FCAR: variants seen among roughly 807,000 people sequenced by gnomAD.
FCAR encodes the protein immunoglobulin alpha Fc receptor.
In FCAR, 21 loss-of-function variants were observed where a neutral mutation model predicts 27.1. The observed-to-expected ratio is 0.77, with a 90% CI of 0.55 to 1.11. The LOEUF (loss-of-function observed/expected upper bound fraction) is 1.11. FCAR is among the 50% of genes most tolerant of loss of function. The pLI is 0.00. For synonymous variants in FCAR, 134 were observed against 135.8 expected (o/e 0.99, Z 0.09); for missense variants, 404 against 358.4 (o/e 1.13, Z -1.03).
intron 3 of FCAR, 138 bp from the exon 4 acceptor site, chr19:54,887,869 A>G: frequency 1.7e-6 from 1 of 598,884 alleles, no homozygotes; most frequent in Non-Finnish European, 2.7e-6. Context: ...GTGAGCTGAG[A>G]TCACGCCACT....
intron 2 of FCAR, among the ~76,000 whole-genome samples, chr19:54,883,364 G>A (rs959057811): frequency 1.3e-5 from 2 of 152,058 alleles, no homozygotes; most frequent in East Asian, 1.9e-4. Context: ...TTGGGCCTTG[G>A]AGGAGCCTCC....
chr19:54,885,138 C>G, intron 2 of FCAR, 97 bp from the exon 3 acceptor site: 1 of 1,081,888 alleles, frequency 9.2e-7, no homozygotes, highest in Non-Finnish European at 1.3e-6. Flanking sequence ...ATGGTAGGTT[C>G]TTCACACCCT....
In FCAR at chr19:54,889,753, C is replaced by T. The variant is rs900027767; in HGVS notation, c.754C>T (p.His252Tyr). 6.2e-7 allele frequency: 1 copy of T among 1,613,930 alleles called. No individual in the cohort carries two copies. The highest frequency in any genetic ancestry group is 8.5e-7 in the Non-Finnish European group (1 of 1,179,992). ...CATACTGGTTGAAAATTGGCACAGC[C>T]ATACGGCACTGAACAAGGAAGCCTC... Reference protein sequence around the residue: ...LAILVENWHSHTALNKEASAD... With the variant: ...LAILVENWHSYTALNKEASAD... The change falls in exon 5 of 5, where the codon CAT becomes TAT. Residue 252 changes from histidine (H) to tyrosine (Y), a missense_variant. Physicochemically the swap from His to Tyr is moderately conservative, Grantham distance 83 (BLOSUM62 2). Transcript: ENST00000355524.
Position 54,885,322 on chromosome 19 carries a change from G to C in FCAR, c.158G>C (p.Arg53Pro). 6.2e-7 allele frequency: 1 copy of C among 1,614,020 alleles called. No individual in the cohort carries two copies. The highest frequency in any genetic ancestry group is 8.5e-7 in the Non-Finnish European group (1 of 1,179,980). Reference protein sequence around the residue: ...GSVKIQCQAIREAYLTQLMII... With the variant: ...GSVKIQCQAIPEAYLTQLMII... ...GTGAAAATCCAGTGCCAGGCCATTC[G>C]TGAAGCTTACCTGACCCAGCTGATG... The change falls in exon 3 of 5, where the codon CGT becomes CCT. Residue 53 changes from arginine (R) to proline (P), a missense_variant. Physicochemically the swap from Arg to Pro is moderately radical, Grantham distance 103. Transcript: ENST00000355524.
intron 2 of FCAR, among the ~76,000 whole-genome samples, chr19:54,880,398 A>G (rs1233685422): frequency 6.6e-6 from 1 of 152,190 alleles, no homozygotes; most frequent in Non-Finnish European, 1.5e-5. Context: ...TTTCAGCTCC[A>G]TCAGATCCGT....
chr19:54,882,304 C>T (rs1356987275), intron 2 of FCAR, among the ~76,000 whole-genome samples: 2 of 152,194 alleles, frequency 1.3e-5, no homozygotes, highest in Admixed American at 6.5e-5. Context: ...TCCTCAATTT[C>T]GAAGAGCGTC....
At chr19:54,883,285 T>C (rs1458572537) in intron 2 of FCAR, among the ~76,000 whole-genome samples, 3 of 151,926 alleles carry the variant, frequency 2.0e-5, no homozygotes, top group Non-Finnish European at 4.4e-5. Context: ...CTAACTCTTG[T>C]ATTTTGACAA....
intron 2 of FCAR, among the ~76,000 whole-genome samples, chr19:54,884,155 C>T (rs1230002806): frequency 6.6e-6 from 1 of 152,152 alleles, no homozygotes; most frequent in Non-Finnish European, 1.5e-5. Flanking sequence ...AGAGTTCAGG[C>T]AGAAGCTGGG....
intron 2 of FCAR, among the ~76,000 whole-genome samples, chr19:54,880,302 G>A (rs1036602621): frequency 1.4e-4 from 22 of 152,178 alleles, no homozygotes; most frequent in African/African-American, 5.3e-4. Flanking sequence ...CAGAGAGCCA[G>A]TATTCATGCT....
intron 2 of FCAR, among the ~76,000 whole-genome samples, chr19:54,879,043 TA>T (rs2066266994): frequency 7.8e-6 from 1 of 128,416 alleles, no homozygotes; most frequent in Non-Finnish European, 1.7e-5. Context: ...CACGCCCAGC[TA>T]TTTTTTTTTT....
intron 2 of FCAR, among the ~76,000 whole-genome samples, chr19:54,876,473 A>G (rs2066095019): frequency 6.6e-6 from 1 of 152,202 alleles, no homozygotes; most frequent in Non-Finnish European, 1.5e-5. Flanking sequence ...TTTGTCATAC[A>G]TCATTCTTAT....
chr19:54,888,124 AG>A lies in FCAR; in HGVS notation c.481del (p.Glu161ArgfsTer68). 5.0e-6 allele frequency: 8 copies of A among 1,614,098 alleles called. No individual in the cohort carries two copies. Among genetic ancestry groups the A allele is most frequent in the Middle Eastern group, 1.6e-4 (1 of 6,062 alleles). Reference protein sequence around the residue: ...HIPFDRFSLAKEGELSLPQHQ... With the variant: ...HIPFDRFSLAXEGELSLPQHQ... ...CCATTTGATAGATTTTCACTGGCCAAGGAGGGAGAACTTTCTCTGCCACAGC... is the reference window on the plus strand; with the variant it reads ...CCATTTGATAGATTTTCACTGGCCAAGAGGGAGAACTTTCTCTGCCACAGC... On this transcript the variant is annotated frameshift_variant, in exon 4 of 5. Coordinates refer to ENST00000355524, the MANE Select transcript of FCAR (RefSeq NM_002000.4). LOFTEE classifies it high-confidence loss of function.
chr19:54,886,174 G>A (rs1284978268), intron 3 of FCAR, among the ~76,000 whole-genome samples: 4 of 151,672 alleles, frequency 2.6e-5, no homozygotes, highest in Admixed American at 2.0e-4. Context: ...CTTGAACCCA[G>A]GAGGCAGAGG....
chr19:54,879,019 C>G (rs1207936116), intron 2 of FCAR, among the ~76,000 whole-genome samples: 2 of 150,680 alleles, frequency 1.3e-5, no homozygotes, highest in African/African-American at 4.9e-5. Context: ...GCTGGGATTA[C>G]AGGTGTGTAC....
At chr19:54,888,688 C>G (rs587753938) in intron 4 of FCAR, 1 of 578,952 alleles carries the variant, frequency 1.7e-6, no homozygotes, top group Non-Finnish European at 2.2e-6. Flanking sequence ...GCTGGGACCA[C>G]ACAGACAGGG....
chr19:54,879,975 G>A (rs587729768), intron 2 of FCAR, among the ~76,000 whole-genome samples: 2 of 152,286 alleles, frequency 1.3e-5, no homozygotes, highest in Admixed American at 6.5e-5. Flanking sequence ...GTGAGCCACC[G>A]CGCCCGGCCG....
chr19:54,886,256 A>AC (rs1290471307), intron 3 of FCAR, among the ~76,000 whole-genome samples: 1 of 126,640 alleles, frequency 7.9e-6, no homozygotes, highest in Non-Finnish European at 1.7e-5. Flanking sequence ...TCACACACAC[A>AC]CACACAAAAA....
intron 1 of FCAR, 24 bp downstream of exon 1, chr19:54,874,347 T>A: frequency 6.2e-7 from 1 of 1,612,870 alleles, no homozygotes; most frequent in African/African-American, 1.3e-5. Flanking sequence ...TAAAAGTGGG[T>A]TAGAGGGGAA....
At chr19:54,886,695 G>T (rs1385657775) in intron 3 of FCAR, among the ~76,000 whole-genome samples, 2 of 152,128 alleles carry the variant, frequency 1.3e-5, no homozygotes, top group Admixed American at 1.3e-4. Flanking sequence ...TGCCCGGCAG[G>T]TGTCATGTAT....
Sources: gnomAD v4.1 joint callset for allele counts (sites outside exome capture counted in the v4.1 genomes callset) on GRCh38, gnomAD v4.1.1 for gene constraint, MANE v1.5 for transcripts, NCBI Gene and HGNC (gene_info 2026-07-23, HGNC 2026-07-21) for gene names.